SPG11: variants seen among roughly 807,000 people sequenced by gnomAD.
The protein encoded by SPG11 is spatacsin.
In SPG11, 222 loss-of-function variants were observed where a neutral mutation model predicts 274.0. The observed-to-expected ratio is 0.81, with a 90% CI of 0.73 to 0.91. The LOEUF is 0.91. Among genes scored for constraint, SPG11 ranks in the 40% least tolerant of loss-of-function variants. The probability of loss-of-function intolerance (pLI) is 0.00; values close to 1 mark genes in which losing one functional copy is unlikely to be tolerated. For synonymous variants in SPG11, 1,144 were observed against 1,039.7 expected (o/e 1.10, Z -1.93); for missense variants, 3,114 against 2,872.7 (o/e 1.08, Z -1.92).
intron 7 of SPG11, among the ~76,000 whole-genome samples, chr15:44,646,112 C>T (rs570347315): frequency 6.6e-6 from 1 of 152,288 alleles, no homozygotes; most frequent in Admixed American, 6.5e-5. Context: ...TCATTCAACC[C>T]AGCAATCCCA....
At chr15:44,635,013 C>G (rs184363462) in intron 7 of SPG11, among the ~76,000 whole-genome samples, 8 of 151,324 alleles carry the variant, frequency 5.3e-5, no homozygotes, top group Admixed American at 1.3e-4. Context: ...GTCAGGAGTT[C>G]GAGACCAGCC....
intron 33 of SPG11, chr15:44,572,451 A>C: frequency 1.9e-6 from 1 of 532,236 alleles, no homozygotes; most frequent in Non-Finnish European, 3.4e-6. Context: ...TGAAATAAGT[A>C]TGTTGAGTAA....
chr15:44,585,899 T>C, intron 28 of SPG11, 49 bp from the exon 29 acceptor site: 2 of 1,487,402 alleles, frequency 1.3e-6, no homozygotes, highest in Non-Finnish European at 1.9e-6. Context: ...AAAATGCCAC[T>C]ACAGCATTTC....
At chr15:44,640,796 T>C (rs563895290) in intron 7 of SPG11, among the ~76,000 whole-genome samples, 4 of 152,300 alleles carry the variant, frequency 2.6e-5, no homozygotes, top group South Asian at 2.1e-4. Context: ...AGTGTCCTGA[T>C]CTTGGCTCAC....
At chr15:44,599,696 T>C (rs1407485437) in intron 21 of SPG11, among the ~76,000 whole-genome samples, 1 of 152,138 alleles carries the variant, frequency 6.6e-6, no homozygotes, top group African/African-American at 2.4e-5. Flanking sequence ...TACTTTACCA[T>C]AAAAAAGGTA....
At chr15:44,575,231 C>G in intron 30 of SPG11, 190 bp from the exon 31 acceptor site, 2 of 645,658 alleles carry the variant, frequency 3.1e-6, no homozygotes, top group Non-Finnish European at 5.3e-6. Flanking sequence ...AAATCCCACC[C>G]TGGGATACTT....
rs373587870 is a variant in SPG11 at position 44,567,481 on chromosome 15, C to T, written c.6697G>A (p.Glu2233Lys). 14 of 1,613,924 alleles carry T rather than the reference C, an allele frequency of 8.7e-6. No individual in the cohort carries two copies. Among genetic ancestry groups the T allele is most frequent in the Non-Finnish European group, 1.0e-5 (12 of 1,180,012 alleles). ...LCFSMCREIG[E>K]NHEAAARIQL... ...ATGCGGGCAGCTGCCTCGTGGTTCT[C>T]GCCAATCTCCCGGCACATGCTGAAG... is the stretch of plus-strand genomic sequence containing the variant. The change falls in exon 36 of 40, where the codon GAG (glutamate) becomes AAG (lysine). Residue 2233 changes from glutamate (E) to lysine (K), a missense_variant. Glu to Lys is a moderately conservative substitution (Grantham distance 56). Transcript: ENST00000261866.
chr15:44,661,567 A>C (rs2085107789), intron 1 of SPG11, among the ~76,000 whole-genome samples: 1 of 152,050 alleles, frequency 6.6e-6, no homozygotes, highest in African/African-American at 2.4e-5. Context: ...TGTATTTTAT[A>C]CTACTATAGT....
Position 44,600,605 on chromosome 15 carries a change from G to C in SPG11, c.3548C>G (p.Ser1183Cys), listed in dbSNP as rs754793352. The C allele has an allele frequency of 3.7e-6, 6 of 1,614,128 alleles. No individual in the cohort carries two copies. Among genetic ancestry groups the C allele is most frequent in the Admixed American group, 3.3e-5 (2 of 60,030 alleles). The change falls in exon 21 of 40, where the codon TCT becomes TGT. Residue 1183 changes from serine to cysteine, a missense_variant. Transcript: ENST00000261866. ...GDAWSHLPHF[S>C]SPDLVNKYAI... ...ATATTTATTAACCAGGTCAGGGCTAGAGAAATGTGGGAGATGACTCCATGC... is the reference window on the plus strand; with the variant it reads ...ATATTTATTAACCAGGTCAGGGCTACAGAAATGTGGGAGATGACTCCATGC...
At chr15:44,617,440 TAGCTATTC>T (rs1555454799) in intron 15 of SPG11, among the ~76,000 whole-genome samples, 4 of 152,226 alleles carry the variant, frequency 2.6e-5, no homozygotes, top group Non-Finnish European at 5.9e-5. Context: ...TTTCCCCATA[TAGCTATTC>T]AGTTATTCTA....
chr15:44,662,342 A>G (rs2085136367), intron 1 of SPG11, among the ~76,000 whole-genome samples: 1 of 150,368 alleles, frequency 6.7e-6, no homozygotes, highest in Non-Finnish European at 1.5e-5. Context: ...CTCATCTTAA[A>G]GAAAGAGTTG....
rs2082294757 is a variant in SPG11 at position 44,565,774 on chromosome 15, C to T, written c.6999+80G>A. 7.0e-6 allele frequency: 11 copies of T among 1,567,526 alleles called. No homozygotes were observed. The South Asian group carries it at 9.1e-5, about 13-fold the overall frequency. Reference sequence around the variant, plus strand: ...CCTGGTTCTGTCACTAGCCCTGAGACCTTACCTCTGGGTTCCATGAGTGGG... The same window carrying T: ...CCTGGTTCTGTCACTAGCCCTGAGATCTTACCTCTGGGTTCCATGAGTGGG... On this transcript the variant is annotated intron_variant, in intron 38 of 39. Transcript: ENST00000261866.
rs902556210 is a variant in SPG11, at chr15:44,569,379, C to G, written c.6585+19G>C. 5 of 1,533,152 alleles carry G rather than the reference C, an allele frequency of 3.3e-6. No homozygotes were observed. In the East Asian group the frequency reaches 6.8e-5, roughly 21 times the overall value. 95.0% of individuals were successfully genotyped at this position (1,533,152 alleles called of 1,614,324 possible). A position where few individuals can be genotyped will look rare whatever the true frequency, so the allele number is the denominator to read the frequency against. ...ATCAGCAGTACACCCCATCCTGGAGCTCATTACTTTGCACCTACCGGATCC... is the reference window on the plus strand; with the variant it reads ...ATCAGCAGTACACCCCATCCTGGAGGTCATTACTTTGCACCTACCGGATCC... On this transcript the variant is annotated intron_variant, in intron 35 of 39. Coordinates refer to ENST00000261866, the MANE Select transcript of SPG11 (RefSeq NM_025137.4).
rs1394456680 is a variant in SPG11 at position 44,628,720 on chromosome 15, T to C, written c.2016A>G (p.Glu672=). ...TDAIDEYDVH[E]NVPKVKESNI... ...TGCTCTCCTTTACTTTGGGGACATT[T>C]TCATGTACATCATATTCATCTATAG... The change falls in exon 10 of 40, where the codon GAA becomes GAG. Residue 672 remains glutamate, a synonymous_variant. Coordinates refer to ENST00000261866, the MANE Select transcript of SPG11 (RefSeq NM_025137.4). 6.2e-7 allele frequency: 1 copy of C among 1,613,834 alleles called. No homozygotes were observed. Among genetic ancestry groups the C allele is most frequent in the African/African-American group, 1.3e-5 (1 of 75,036 alleles).
intron 20 of SPG11, among the ~76,000 whole-genome samples, chr15:44,603,654 T>C (rs1298119156): frequency 6.6e-6 from 1 of 152,220 alleles, no homozygotes; most frequent in African/African-American, 2.4e-5. Context: ...CATCTCTTGG[T>C]ATCCATGGGG....
intron 28 of SPG11, among the ~76,000 whole-genome samples, chr15:44,586,507 G>A (rs1439324862): frequency 6.6e-6 from 1 of 151,924 alleles, no homozygotes; most frequent in Admixed American, 6.6e-5. Context: ...CCAGGCGTGT[G>A]GTGGCACACG....
chr15:44,600,919 T>G (rs566692520), intron 20 of SPG11, among the ~76,000 whole-genome samples: 1 of 152,290 alleles, frequency 6.6e-6, no homozygotes, highest in South Asian at 2.1e-4. Flanking sequence ...TTTGGGAGAC[T>G]AAGGCAGGCG....
intron 35 of SPG11, 109 bp from the exon 36 acceptor site, chr15:44,567,701 A>G: frequency 8.9e-7 from 1 of 1,117,490 alleles, no homozygotes; most frequent in Non-Finnish European, 1.3e-6. Context: ...CAAGAAGAAG[A>G]GGAGCAAAAA....
intron 7 of SPG11, among the ~76,000 whole-genome samples, chr15:44,643,099 T>C (rs1287139400): frequency 6.6e-6 from 1 of 152,206 alleles, no homozygotes; most frequent in Non-Finnish European, 1.5e-5. Flanking sequence ...CAATGTTGTA[T>C]ATACAATGCA....
Sources: allele counts gnomAD v4.1 joint callset (sites outside exome capture counted in the v4.1 genomes callset), GRCh38; gene constraint gnomAD v4.1.1; transcripts MANE v1.5; gene names NCBI Gene and HGNC (gene_info 2026-07-23, HGNC 2026-07-21).